Variants in PEX13 observed in about 807,000 individuals in gnomAD.
PEX13 encodes the protein peroxisomal biogenesis factor 13.
Under a neutral mutation model 34.5 loss-of-function variants are expected in PEX13, and 28 were observed. The ratio of observed to expected loss-of-function variants is 0.81; its 90% CI spans 0.60 to 1.11. The LOEUF (loss-of-function observed/expected upper bound fraction) is 1.11. PEX13 is among the 50% of genes most tolerant of loss of function. The probability of loss-of-function intolerance (pLI) is 0.00; values close to 1 mark genes in which losing one functional copy is unlikely to be tolerated. For synonymous variants in PEX13, 177 were observed against 175.1 expected (o/e 1.01, Z -0.09); for missense variants, 550 against 491.0 (o/e 1.12, Z -1.13).
At chr2:61,020,623 C>T (rs924037020) in intron 1 of PEX13, among the ~76,000 whole-genome samples, 1 of 151,972 alleles carries the variant, frequency 6.6e-6, no homozygotes, top group Non-Finnish European at 1.5e-5. Flanking sequence ...CTCTCTCTAC[C>T]TTGCTCAGAT....
At chr2:61,042,585 A>G (rs995261005) in intron 2 of PEX13, among the ~76,000 whole-genome samples, 1 of 152,198 alleles carries the variant, frequency 6.6e-6, no homozygotes, top group Non-Finnish European at 1.5e-5. Context: ...CAGATTGAGC[A>G]CTCATCACAG....
intron 1 of PEX13, among the ~76,000 whole-genome samples, chr2:61,019,449 A>T (rs902715760): frequency 6.6e-6 from 1 of 152,062 alleles, no homozygotes; most frequent in Admixed American, 6.6e-5. Flanking sequence ...CAAAATTGTC[A>T]TATTTTATTG....
chr2:61,027,734 C>T (rs1680383386), intron 1 of PEX13, among the ~76,000 whole-genome samples: 1 of 152,122 alleles, frequency 6.6e-6, no homozygotes, highest in Non-Finnish European at 1.5e-5. Context: ...ATAAGTCTGT[C>T]TTGTGTTAAA....
intron 2 of PEX13, among the ~76,000 whole-genome samples, chr2:61,041,536 G>A (rs75185245): frequency 0.025 from 3,850 of 152,226 alleles, 143 homozygotes; most frequent in African/African-American, 0.087. Flanking sequence ...ATTAGATCTG[G>A]CAACTGGAAG....
chr2:61,040,349 A>G (rs1009117719), intron 2 of PEX13, among the ~76,000 whole-genome samples: 2 of 152,200 alleles, frequency 1.3e-5, no homozygotes, highest in African/African-American at 2.4e-5. Context: ...ATGTCCATCA[A>G]TGATAGACTG....
At position 61,033,080 on chromosome 2, in the gene PEX13, C is replaced by T. The variant is rs769950352; in HGVS notation, c.787+967C>T. ...AAGCAGACTGTGACATACATGTAAACGAAAAAGTCAGTCTGAAGGGTTTAA... is the reference window on the plus strand; with the variant it reads ...AAGCAGACTGTGACATACATGTAAATGAAAAAGTCAGTCTGAAGGGTTTAA... On this transcript the variant is annotated intron_variant, in intron 2 of 3. Coordinates refer to ENST00000295030, the MANE Select transcript of PEX13 (RefSeq NM_002618.4). Among the ~76,000 whole-genome samples, 24 of 152,116 alleles carry T rather than the reference C, an allele frequency of 1.6e-4. 1 individual carries two copies. Among genetic ancestry groups the T allele is most frequent in the South Asian group, 1.5e-3 (7 of 4,814 alleles).
At chr2:61,026,748 CTG>C (rs1396171548) in intron 1 of PEX13, among the ~76,000 whole-genome samples, 4 of 152,140 alleles carry the variant, frequency 2.6e-5, no homozygotes, top group Non-Finnish European at 4.4e-5. Flanking sequence ...ATTTCTCTCT[CTG>C]ATAATTTTTA....
intron 2 of PEX13, among the ~76,000 whole-genome samples, chr2:61,035,232 CCTGA>C (rs1360039359): frequency 1.3e-5 from 2 of 152,106 alleles, no homozygotes; most frequent in East Asian, 3.9e-4. Context: ...AGCTGAGGGG[CCTGA>C]CTGTTAGAAG....
At chr2:61,030,590 A>G (rs1380555709) in intron 1 of PEX13, among the ~76,000 whole-genome samples, 1 of 152,224 alleles carries the variant, frequency 6.6e-6, no homozygotes, top group Non-Finnish European at 1.5e-5. Flanking sequence ...AGCTTCATTC[A>G]GGCATGGGCT....
At chr2:61,018,043 C>A in intron 1 of PEX13, 192 bp downstream of exon 1, 1 of 1,452,012 alleles carries the variant, frequency 6.9e-7, no homozygotes, top group Non-Finnish European at 9.2e-7. Context: ...CTGTTTCTGA[C>A]CCGGCAGCTC....
chr2:61,027,716 T>G (rs1036172464), intron 1 of PEX13, among the ~76,000 whole-genome samples: 1 of 152,230 alleles, frequency 6.6e-6, no homozygotes, highest in Non-Finnish European at 1.5e-5. Context: ...CTGTTTAGTT[T>G]CTCTTCCATA....
At position 61,049,283 on chromosome 2, in the gene PEX13, A is replaced by G. The variant is rs1680758640; in HGVS notation, c.*513A>G. On this transcript the variant is annotated 3_prime_UTR_variant, in exon 4 of 4. Coordinates refer to ENST00000295030, the MANE Select transcript of PEX13 (RefSeq NM_002618.4). ...TATCCAGTGTTGGGTTTATATTTTCACCCACAAACAACTGACACTGCTATC... is the reference window on the plus strand; with the variant it reads ...TATCCAGTGTTGGGTTTATATTTTCGCCCACAAACAACTGACACTGCTATC... 1 of 153,364 alleles carries G rather than the reference A, an allele frequency of 6.5e-6. No individual in the cohort carries two copies. The highest frequency in any genetic ancestry group is 1.4e-5 in the Non-Finnish European group (1 of 68,982). 9.5% of individuals were successfully genotyped at this position (153,364 alleles called of 1,614,324 possible). A position where few individuals can be genotyped will look rare whatever the true frequency, so the allele number is the denominator to read the frequency against.
At chr2:61,048,370 G>A (rs1254360169) in intron 3 of PEX13, 102 bp from the exon 4 acceptor site, 3 of 931,538 alleles carry the variant, frequency 3.2e-6, no homozygotes, top group South Asian at 1.3e-5. Context: ...TATCTACTAT[G>A]TAAGCATAAC....
intron 2 of PEX13, among the ~76,000 whole-genome samples, chr2:61,040,683 C>G (rs1472531314): frequency 2.0e-5 from 3 of 151,062 alleles, no homozygotes; most frequent in Non-Finnish European, 4.4e-5. Context: ...ACATATATAC[C>G]TCTGTAACAA....
chr2:61,046,197 C>T (rs1424470539), intron 3 of PEX13, among the ~76,000 whole-genome samples: 1 of 152,206 alleles, frequency 6.6e-6, no homozygotes, highest in Non-Finnish European at 1.5e-5. Context: ...TATGTAACAT[C>T]ATCTAAGCAT....
intron 2 of PEX13, among the ~76,000 whole-genome samples, chr2:61,040,008 A>G (rs1680596409): frequency 6.6e-6 from 1 of 152,254 alleles, no homozygotes; most frequent in South Asian, 2.1e-4. Flanking sequence ...ATCACTGGTC[A>G]TCAGAGAAAT....
rs762236368 is a variant in PEX13, at chr2:61,031,530, G to C, written c.204G>C (p.Val68=). Residue 68 remains valine, a synonymous_variant, in exon 2 of 4, where the codon GTG becomes GTC. Transcript: ENST00000295030. The part of the protein sequence containing the change: ...RPSQQTGSSS[V]NTFRPAYSSF... ...CACAGCAGACAGGAAGTAGCAGTGT[G>C]AACACTTTTAGACCTGCTTACAGTT... 1.9e-6 allele frequency: 3 copies of C among 1,614,120 alleles called. No individual in the cohort carries two copies. The highest frequency in any genetic ancestry group is 2.5e-6 in the Non-Finnish European group (3 of 1,179,982).
At chr2:61,042,228 AT>A (rs1305090102) in intron 2 of PEX13, among the ~76,000 whole-genome samples, 16 of 152,334 alleles carry the variant, frequency 1.1e-4, no homozygotes, top group African/African-American at 3.4e-4. Flanking sequence ...ACATATTGTT[AT>A]GGCTGCTTTT....
In PEX13 at chr2:61,038,180, A is replaced by G. The variant is rs182914668; in HGVS notation, c.787+6067A>G. 4.1e-3 allele frequency among the ~76,000 whole-genome samples: 624 copies of G among 152,312 alleles called. 16 individuals carry two copies. The highest frequency in any genetic ancestry group is 0.037 in the Admixed American group (569 of 15,280). On this transcript the variant is annotated intron_variant, in intron 2 of 3. Coordinates refer to ENST00000295030, the MANE Select transcript of PEX13 (RefSeq NM_002618.4). Reference sequence around the variant, plus strand: ...CAGCCAAATTCTGCCAGAGGTAGAAAGAGGAGCTGGTATCATTCCTTCTGA... The same window carrying G: ...CAGCCAAATTCTGCCAGAGGTAGAAGGAGGAGCTGGTATCATTCCTTCTGA...
Sources: allele counts gnomAD v4.1 joint callset (sites outside exome capture counted in the v4.1 genomes callset), GRCh38; gene constraint gnomAD v4.1.1; transcripts MANE v1.5; gene names NCBI Gene and HGNC (gene_info 2026-07-23, HGNC 2026-07-21).